Variants in NR4A1 observed in about 807,000 individuals in gnomAD.
NR4A1 encodes the protein nuclear receptor subfamily 4 group A member 1, also known as nuclear receptor subfamily 4immunitygroup A member 1.
A neutral mutation model predicts 47.5 loss-of-function variants in NR4A1; 24 were observed. The ratio of observed to expected loss-of-function variants is 0.50; its 90% CI spans 0.37 to 0.71. The LOEUF is 0.71. NR4A1 is among the 30% of genes least tolerant of loss of function. NR4A1 has a pLI of 0.00. For synonymous variants in NR4A1, 353 were observed against 345.7 expected (o/e 1.02, Z -0.24); for missense variants, 669 against 788.6 (o/e 0.85, Z 1.82).
At chr12:52,052,473 G>C in intron 1 of NR4A1, 1 of 985,596 alleles carries the variant, frequency 1.0e-6, no homozygotes, top group South Asian at 4.7e-5. Context: ...CCCTCCCCCA[G>C]TAGTCTCTGT....
Position 52,056,212 on chromosome 12 carries a change from G to C in NR4A1, c.1006+53G>C, listed in dbSNP as rs536425311. On this transcript the variant is annotated intron_variant, in intron 3 of 6. Coordinates refer to ENST00000394825, the MANE Select transcript of NR4A1 (RefSeq NM_173157.3). ...GGCAAGGGTAGGCTTGAGTGGAGTG[G>C]GACCAGCAGGGCCCCCAGGCTTCTG... is the stretch of plus-strand genomic sequence containing the variant. 35 of 1,528,210 alleles carry C rather than the reference G, an allele frequency of 2.3e-5. No individual in the cohort carries two copies. In the East Asian group the frequency reaches 4.2e-4, roughly 18 times the overall value. 94.7% of individuals were successfully genotyped at this position (1,528,210 alleles called of 1,614,324 possible).
chr12:52,051,273 C>T (rs1938918661), upstream of NR4A1: 1 of 295,702 alleles, frequency 3.4e-6, no homozygotes, highest in Non-Finnish European at 5.0e-6. Context: ...TCGCCCCGCC[C>T]CCTCGGGCTC....
intron 1 of NR4A1, chr12:52,041,802 C>A: frequency 7.3e-7 from 1 of 1,363,948 alleles, no homozygotes; most frequent in Non-Finnish European, 9.5e-7. Flanking sequence ...TCGACTCTCC[C>A]TCTGTAGGCC....
intron 1 of NR4A1, among the ~76,000 whole-genome samples, chr12:52,029,783 C>T (rs1938080049): frequency 6.6e-6 from 1 of 152,334 alleles, no homozygotes; most frequent in South Asian, 2.1e-4. Flanking sequence ...AAGGGCTTGG[C>T]TTCCTTCAGT....
intron 2 of NR4A1, chr12:52,043,548 C>T (rs1006319377): frequency 2.6e-5 from 12 of 468,492 alleles, no homozygotes; most frequent in African/African-American, 2.3e-4. Flanking sequence ...TGGGCACGGG[C>T]CCAGGGTCAC....
At position 52,059,011 on chromosome 12, in the gene NR4A1, G is replaced by C; in HGVS notation, c.*67G>C. 6.5e-7 allele frequency: 1 copy of C among 1,534,414 alleles called. No homozygotes were observed. The highest frequency in any genetic ancestry group is 8.8e-7 in the Non-Finnish European group (1 of 1,134,838). On this transcript the variant is annotated 3_prime_UTR_variant, in exon 7 of 7. Coordinates refer to ENST00000394825, the MANE Select transcript of NR4A1 (RefSeq NM_173157.3). ...GCCACCCCATGTGCCTTTAGTCCAC[G>C]GACCCCCAGAGCACCCCCAAGCCTG...
rs1468995998 is a variant in NR4A1, at chr12:52,037,332, G to A, written c.-83-4478G>A. Reference sequence around the variant, plus strand: ...GCGGGGGTCCCCTCGCGGCGCCCGGGACCCCCGGCCTCCAGGCATGGGCGC... The same window carrying A: ...GCGGGGGTCCCCTCGCGGCGCCCGGAACCCCCGGCCTCCAGGCATGGGCGC... On this transcript the variant is annotated intron_variant, in intron 1 of 7. Coordinates refer to the NR4A1 transcript ENST00000360284. The A allele has an allele frequency of 3.1e-6, 3 of 983,478 alleles. No individual in the cohort carries two copies. In the African/African-American group the frequency reaches 5.3e-5, roughly 17 times the overall value. The allele number at this position is 983,478 out of a possible 1,614,324, so 60.9% of individuals were successfully genotyped here. A position where few individuals can be genotyped will look rare whatever the true frequency, so the allele number is the denominator to read the frequency against.
At position 52,042,079 on chromosome 12, in the gene NR4A1, G is replaced by A. The variant is rs1023937288; in HGVS notation, c.37+150G>A. ...GCAGCCGAGGTGCTGTTCAGTGTGC[G>A]GGATCTGATTTCTTTAGAGGTTGGG... On this transcript the variant is annotated intron_variant, in intron 2 of 7. Transcript: ENST00000360284. The A allele has an allele frequency of 8.6e-6, 8 of 932,726 alleles. No homozygotes were observed. The South Asian group carries it at 1.9e-4, about 22-fold the overall frequency. The allele number at this position is 932,726 out of a possible 1,614,324, so 57.8% of individuals were successfully genotyped here. A position where few individuals can be genotyped will look rare whatever the true frequency, so the allele number is the denominator to read the frequency against.
intron 1 of NR4A1, among the ~76,000 whole-genome samples, chr12:52,031,920 C>T (rs1206665631): frequency 6.6e-6 from 1 of 151,956 alleles, no homozygotes; most frequent in South Asian, 2.1e-4. Flanking sequence ...CCTCAGCCTC[C>T]GGAGTAGCTG....
Position 52,054,403 on chromosome 12 carries a change from C to G in NR4A1, c.75C>G (p.Pro25=). 1 of 1,613,812 alleles carries G rather than the reference C, an allele frequency of 6.2e-7. No individual in the cohort carries two copies. The highest frequency in any genetic ancestry group is 8.5e-7 in the Non-Finnish European group (1 of 1,179,944). The change falls in exon 2 of 7, where the codon CCC becomes CCG. Residue 25 remains proline, a synonymous_variant. Coordinates refer to ENST00000394825, the MANE Select transcript of NR4A1 (RefSeq NM_173157.3). The stretch of plus-strand genomic sequence containing the variant: ...CCCGTGACCACCTGGCAAGCGACCC[C>G]CTGACCCCTGAGTTCATCAAGCCCA... ...PGPRDHLASD[P]LTPEFIKPTM...
upstream of NR4A1, among the ~76,000 whole-genome samples, chr12:52,048,365 C>T (rs554165215): frequency 4.6e-5 from 7 of 151,966 alleles, no homozygotes; most frequent in East Asian, 3.9e-4. Context: ...GAGGCCAAGG[C>T]GGGCAGATCA....
At chr12:52,052,658 C>T (rs145494424) in intron 1 of NR4A1, 21,444 of 985,456 alleles carry the variant, frequency 0.022, 258 homozygotes, top group South Asian at 0.036. Flanking sequence ...AGGTCCATAT[C>T]TTGTGTTGTT....
chr12:52,058,632 G>C, intron 6 of NR4A1, 56 bp from the exon 7 acceptor site: 1 of 1,477,432 alleles, frequency 6.8e-7, no homozygotes, highest in Non-Finnish European at 9.0e-7. Flanking sequence ...GGGGGAGGCT[G>C]GGGCTTTGGG....
chr12:52,055,338 C>CAGGTGGGCCG (rs1939205830), intron 2 of NR4A1, 134 bp downstream of exon 2: 1 of 1,198,510 alleles, frequency 8.3e-7, no homozygotes, highest in Non-Finnish European at 1.2e-6. Flanking sequence ...TCAGCCCTGC[C>CAGGTGGGCCG]AGGTGGGCCG....
Position 52,056,474 on chromosome 12 carries a change from C to T in NR4A1, c.1007-20C>T, listed in dbSNP as rs777077659. On this transcript the variant is annotated intron_variant, in intron 3 of 6. Transcript: ENST00000394825. ...TTCCTCAGATCCCTTCCTTCCTCAC[C>T]CCTACCCATTCCTTTGCAGTTGTCC... 57 of 1,611,370 alleles carry T rather than the reference C, an allele frequency of 3.5e-5. No homozygotes were observed. Among genetic ancestry groups the T allele is most frequent in the Non-Finnish European group, 4.7e-5 (55 of 1,179,268 alleles).
At position 52,035,043 on chromosome 12, in the gene NR4A1, G is replaced by T. The variant is rs562903318; in HGVS notation, c.-83-6767G>T. ...TAACTTCCCTGGAGTCATGCAGCTG[G>T]TAAGAGGTAGAGCCTCTTGTGGGTT... On this transcript the variant is annotated intron_variant, in intron 1 of 7. Transcript: ENST00000360284. 5.3e-5 allele frequency among the ~76,000 whole-genome samples: 8 copies of T among 152,342 alleles called. No individual in the cohort carries two copies. In the South Asian group the frequency reaches 1.7e-3, roughly 32 times the overall value.
chr12:52,030,961 T>C (rs142302576), intron 1 of NR4A1, among the ~76,000 whole-genome samples: 56 of 152,276 alleles, frequency 3.7e-4, no homozygotes, highest in African/African-American at 1.3e-3. Flanking sequence ...CTTTCATTAC[T>C]GTTTCCTCTC....
intron 1 of NR4A1, among the ~76,000 whole-genome samples, chr12:52,052,197 G>A (rs1938995525): frequency 6.8e-6 from 1 of 147,912 alleles, no homozygotes; most frequent in East Asian, 2.0e-4. Flanking sequence ...ATTGAATAAA[G>A]GAGGCTTCTT....
At chr12:52,025,503 A>G (rs1937983706) in intron 1 of NR4A1, among the ~76,000 whole-genome samples, 1 of 152,108 alleles carries the variant, frequency 6.6e-6, no homozygotes, top group Non-Finnish European at 1.5e-5. Flanking sequence ...AGCTTCGCTC[A>G]GTTCCCTGCT....
Sources: allele counts gnomAD v4.1 joint callset (sites outside exome capture counted in the v4.1 genomes callset), GRCh38; gene constraint gnomAD v4.1.1; transcripts MANE v1.5; gene names NCBI Gene and HGNC (gene_info 2026-07-23, HGNC 2026-07-21).